The following SLC24A4 variants were observed in gnomAD, a reference collection of about 807,000 sequenced individuals.
The protein encoded by SLC24A4 is solute carrier family 24 member 4.
Under a neutral mutation model 79.0 loss-of-function variants are expected in SLC24A4, and 53 were observed. The ratio of observed to expected loss-of-function variants is 0.67; its 90% CI spans 0.54 to 0.84. The LOEUF (loss-of-function observed/expected upper bound fraction) is 0.84. SLC24A4 is among the 40% of genes least tolerant of loss of function. The pLI is 0.00. For synonymous variants in SLC24A4, 323 were observed against 323.8 expected (o/e 1.00, Z 0.03); for missense variants, 731 against 822.0 (o/e 0.89, Z 1.35).
intron 2 of SLC24A4, among the ~76,000 whole-genome samples, chr14:92,368,043 G>C (rs1887950092): frequency 6.6e-6 from 1 of 152,232 alleles, no homozygotes. Flanking sequence ...GGATGACAAA[G>C]CTGGTTCTAG....
intron 12 of SLC24A4, among the ~76,000 whole-genome samples, chr14:92,475,525 T>C (rs918272528): frequency 1.3e-5 from 2 of 152,160 alleles, no homozygotes; most frequent in African/African-American, 4.8e-5. Flanking sequence ...ACCAAAGCAG[T>C]TACAGAAGGG....
chr14:92,455,147 G>A (rs1233338467), intron 11 of SLC24A4, among the ~76,000 whole-genome samples: 2 of 152,184 alleles, frequency 1.3e-5, no homozygotes, highest in Non-Finnish European at 2.9e-5. Flanking sequence ...AGGCAGCATG[G>A]AGAGCTGGAG....
intron 2 of SLC24A4, among the ~76,000 whole-genome samples, chr14:92,380,262 C>T (rs556970768): frequency 1.7e-4 from 26 of 152,276 alleles, no homozygotes; most frequent in Admixed American, 1.4e-3. Context: ...CAGAGAACCA[C>T]GAGGGGAATG....
At chr14:92,373,145 GCCCA>G (rs1158702490) in intron 2 of SLC24A4, among the ~76,000 whole-genome samples, 3 of 150,326 alleles carry the variant, frequency 2.0e-5, no homozygotes, top group African/African-American at 7.3e-5. Context: ...GATTACAGGT[GCCCA>G]CCACCATGCC....
chr14:92,371,542 T>A (rs1012800533), intron 2 of SLC24A4, among the ~76,000 whole-genome samples: 6 of 152,204 alleles, frequency 3.9e-5, no homozygotes, highest in African/African-American at 1.4e-4. Flanking sequence ...TAATCAGTTT[T>A]TCACACTGTA....
intron 2 of SLC24A4, among the ~76,000 whole-genome samples, chr14:92,372,381 C>T (rs1888217667): frequency 6.6e-6 from 1 of 152,114 alleles, no homozygotes; most frequent in Non-Finnish European, 1.5e-5. Flanking sequence ...AGCTGCTGCC[C>T]ACAGACATTT....
chr14:92,350,118 T>G (rs190656086), intron 2 of SLC24A4, among the ~76,000 whole-genome samples: 1 of 152,330 alleles, frequency 6.6e-6, no homozygotes, highest in Admixed American at 6.5e-5. Flanking sequence ...CCTGTTGAAG[T>G]CTCTCTGTCT....
chr14:92,344,575 A>C (rs2141627174), intron 2 of SLC24A4, among the ~76,000 whole-genome samples: 1 of 152,136 alleles, frequency 6.6e-6, no homozygotes, highest in Non-Finnish European at 1.5e-5. Context: ...TATGCTGAGG[A>C]GTGTGCTTTG....
intron 10 of SLC24A4, 46 bp downstream of exon 10, chr14:92,449,262 C>A: frequency 6.3e-7 from 1 of 1,593,036 alleles, no homozygotes; most frequent in Non-Finnish European, 8.6e-7. Context: ...TCCTGGAAGC[C>A]ACTCTCTCCT....
In SLC24A4 at chr14:92,496,204, A is replaced by G. The variant is rs1446806754; in HGVS notation, c.*2576A>G. ...ATTTTCTTTTGACTTTAATGTGCCA[A>G]TGTAACTTCCTTTAAAGGATCTATG... On this transcript the variant is annotated 3_prime_UTR_variant, in exon 17 of 17. Transcript: ENST00000532405. The G allele has an allele frequency of 6.5e-6, 1 of 152,680 alleles. No homozygotes were observed. The highest frequency in any genetic ancestry group is 1.5e-5 in the Non-Finnish European group (1 of 68,044). 9.5% of individuals were successfully genotyped at this position (152,680 alleles called of 1,614,324 possible).
At chr14:92,408,823 G>A (rs1890547230) in intron 2 of SLC24A4, among the ~76,000 whole-genome samples, 1 of 152,242 alleles carries the variant, frequency 6.6e-6, no homozygotes, top group African/African-American at 2.4e-5. Context: ...CTGGTGGAAA[G>A]TTGAAGTAGG....
intron 2 of SLC24A4, among the ~76,000 whole-genome samples, chr14:92,364,214 G>A (rs930683329): frequency 6.6e-6 from 1 of 152,218 alleles, no homozygotes; most frequent in Non-Finnish European, 1.5e-5. Context: ...CAGACACACT[G>A]TGAGTGCCTC....
chr14:92,359,412 A>G (rs1483948153), intron 2 of SLC24A4, among the ~76,000 whole-genome samples: 1 of 152,152 alleles, frequency 6.6e-6, no homozygotes, highest in East Asian at 1.9e-4. Context: ...TATCTCTACT[A>G]AAAATAAAAA....
At chr14:92,449,677 A>T (rs1223548236) in intron 10 of SLC24A4, among the ~76,000 whole-genome samples, 1 of 152,174 alleles carries the variant, frequency 6.6e-6, no homozygotes, top group African/African-American at 2.4e-5. Context: ...TGGACAAAGC[A>T]TGGGTTCTCG....
At chr14:92,346,970 C>T (rs1566702703) in intron 2 of SLC24A4, among the ~76,000 whole-genome samples, 1 of 152,030 alleles carries the variant, frequency 6.6e-6, no homozygotes, top group East Asian at 1.9e-4. Flanking sequence ...AGAATGACCC[C>T]AAGAGTCAGG....
chr14:92,445,780 C>T (rs987279561), intron 8 of SLC24A4, among the ~76,000 whole-genome samples: 1 of 152,034 alleles, frequency 6.6e-6, no homozygotes, highest in Non-Finnish European at 1.5e-5. Context: ...TACCTCACAC[C>T]TTATACAAGG....
chr14:92,342,614 C>CT (rs2141621227), intron 2 of SLC24A4, among the ~76,000 whole-genome samples: 1 of 152,240 alleles, frequency 6.6e-6, no homozygotes, highest in East Asian at 1.9e-4. Context: ...AACTCCCGAC[C>CT]TCAGGTGATC....
chr14:92,481,291 C>T (rs116095992), intron 12 of SLC24A4, among the ~76,000 whole-genome samples: 1,979 of 152,336 alleles, frequency 0.013, 36 homozygotes, highest in African/African-American at 0.045. Context: ...ATGTCTCATT[C>T]CCCAGCTTTT....
At chr14:92,326,447 G>A (rs1885142277) in intron 2 of SLC24A4, among the ~76,000 whole-genome samples, 1 of 151,562 alleles carries the variant, frequency 6.6e-6, no homozygotes, top group Admixed American at 6.6e-5. Context: ...TGCTGCGGCT[G>A]TTTCTCTCAA....
Sources: gnomAD v4.1 joint callset for allele counts (sites outside exome capture counted in the v4.1 genomes callset) on GRCh38, gnomAD v4.1.1 for gene constraint, MANE v1.5 for transcripts, NCBI Gene and HGNC (gene_info 2026-07-23, HGNC 2026-07-21) for gene names.